VAV3: variants seen among roughly 807,000 people sequenced by gnomAD.
The protein encoded by VAV3 is guanine nucleotide exchange factor VAV3.
A neutral mutation model predicts 131.2 loss-of-function variants in VAV3; 94 were observed. The ratio of observed to expected loss-of-function variants is 0.72; its 90% CI spans 0.61 to 0.85. The LOEUF is 0.85. Among genes scored for constraint, VAV3 ranks in the 40% least tolerant of loss-of-function variants. The pLI, the probability that VAV3 is intolerant of heterozygous loss-of-function variation, is 0.00. For synonymous variants in VAV3, 349 were observed against 342.0 expected, an observed-to-expected ratio of 1.02 and a Z score of -0.22; for missense variants, 939 against 1,002.7, an observed-to-expected ratio of 0.94 and a Z score of 0.86.
At chr1:107,937,569 G>A (rs1034946089) in intron 1 of VAV3, among the ~76,000 whole-genome samples, 1 of 152,108 alleles carries the variant, frequency 6.6e-6, no homozygotes, top group Non-Finnish European at 1.5e-5. Flanking sequence ...AAATGAGCAG[G>A]GAATACCTAT....
At chr1:107,703,042 T>C (rs17019729) in intron 17 of VAV3, among the ~76,000 whole-genome samples, 19,717 of 152,134 alleles carry the variant, frequency 0.13, 1,614 homozygotes, top group East Asian at 0.29. Context: ...ACTATTCTCC[T>C]ACACTATTTC....
intron 13 of VAV3, among the ~76,000 whole-genome samples, chr1:107,750,096 T>C (rs1178959998): frequency 6.6e-6 from 1 of 152,186 alleles, no homozygotes; most frequent in African/African-American, 2.4e-5. Context: ...CTTCATTTTA[T>C]TGAGGAGGAA....
chr1:107,731,700 C>T (rs1662249261), intron 15 of VAV3, among the ~76,000 whole-genome samples: 1 of 152,122 alleles, frequency 6.6e-6, no homozygotes, highest in Non-Finnish European at 1.5e-5. Context: ...CAGAGGCAGT[C>T]CGTCCCTCAT....
At position 107,757,305 on chromosome 1, in the gene VAV3, G is replaced by A; in HGVS notation, c.1042C>T (p.Pro348Ser). 1.2e-6 allele frequency: 2 copies of A among 1,613,262 alleles called. No individual in the cohort carries two copies. The highest frequency in any genetic ancestry group is 1.1e-5 in the South Asian group (1 of 90,970). ...AGTTTCAGATTTGCCTTCTCAGTCG[G>A]ATCAGTGGTATGTTTGACCAGTTCC... Reference protein sequence around the residue: ...LQELVKHTTDPTEKANLKLAL... With the variant: ...LQELVKHTTDSTEKANLKLAL... Residue 348 changes from proline to serine, a missense_variant, in exon 11 of 27, where the codon CCG becomes TCG. By Grantham distance (74) the Pro-to-Ser change is moderately conservative. Coordinates refer to ENST00000370056, the MANE Select transcript of VAV3 (RefSeq NM_006113.5).
At chr1:107,853,870 T>G (rs1415745605) in intron 2 of VAV3, among the ~76,000 whole-genome samples, 2 of 152,210 alleles carry the variant, frequency 1.3e-5, no homozygotes, top group South Asian at 2.1e-4. Flanking sequence ...ACAACTTATT[T>G]ATGAGCTAAC....
chr1:107,602,618 C>T, intron 23 of VAV3, 134 bp from the exon 24 acceptor site: 2 of 609,196 alleles, frequency 3.3e-6, no homozygotes, highest in South Asian at 2.4e-5. Context: ...TGCCAATACA[C>T]TGGTGACAGC....
chr1:107,692,642 T>A (rs1659497512), intron 17 of VAV3, among the ~76,000 whole-genome samples: 1 of 152,138 alleles, frequency 6.6e-6, no homozygotes, highest in Non-Finnish European at 1.5e-5. Context: ...CAGATACCAA[T>A]GTGGGTGCAG....
intron 15 of VAV3, among the ~76,000 whole-genome samples, chr1:107,708,647 A>G (rs1219208888): frequency 6.6e-6 from 1 of 152,122 alleles, no homozygotes; most frequent in Non-Finnish European, 1.5e-5. Flanking sequence ...TTCTCCAGAT[A>G]TGCATTCCTA....
At chr1:107,884,590 C>A (rs559724917) in intron 1 of VAV3, among the ~76,000 whole-genome samples, 1 of 151,534 alleles carries the variant, frequency 6.6e-6, no homozygotes, top group Non-Finnish European at 1.5e-5. Flanking sequence ...GGACTACAGG[C>A]AGGCACCACC....
chr1:107,851,830 T>TA (rs1669246619), intron 2 of VAV3, among the ~76,000 whole-genome samples: 1 of 152,232 alleles, frequency 6.6e-6, no homozygotes, highest in Non-Finnish European at 1.5e-5. Flanking sequence ...CGATTCAGTA[T>TA]AGCGCCTTGT....
chr1:107,630,601 G>T (rs1371540951), intron 20 of VAV3, among the ~76,000 whole-genome samples: 2 of 152,154 alleles, frequency 1.3e-5, no homozygotes, highest in East Asian at 3.8e-4. Flanking sequence ...AGAGCTAAGT[G>T]TGTAGACTCT....
chr1:107,855,892 A>G (rs1199526887), intron 2 of VAV3, among the ~76,000 whole-genome samples: 1 of 152,212 alleles, frequency 6.6e-6, no homozygotes, highest in Non-Finnish European at 1.5e-5. Flanking sequence ...TGTGTGGAGA[A>G]AGCTGAGAGC....
chr1:107,608,989 A>T (rs1652513108), intron 22 of VAV3, among the ~76,000 whole-genome samples: 1 of 152,186 alleles, frequency 6.6e-6, no homozygotes, highest in African/African-American at 2.4e-5. Context: ...ATGTGTTCAC[A>T]TTCTGCATTT....
intron 2 of VAV3, among the ~76,000 whole-genome samples, chr1:107,789,157 G>C (rs1212772167): frequency 6.6e-6 from 1 of 152,138 alleles, no homozygotes; most frequent in Admixed American, 6.5e-5. Flanking sequence ...TGACCTAAAG[G>C]ACTTAGAAAG....
intron 19 of VAV3, among the ~76,000 whole-genome samples, chr1:107,674,246 G>C (rs1658031258): frequency 6.6e-6 from 1 of 152,178 alleles, no homozygotes; most frequent in Admixed American, 6.5e-5. Flanking sequence ...AGTGAGTTCT[G>C]CTGGGTGTCA....
intron 15 of VAV3, among the ~76,000 whole-genome samples, chr1:107,744,720 A>G (rs1008176970): frequency 1.3e-5 from 2 of 152,210 alleles, no homozygotes; most frequent in Non-Finnish European, 2.9e-5. Context: ...ACATTTAAGA[A>G]AACTGTCTGA....
chr1:107,856,789 C>G (rs1455012222), intron 2 of VAV3, among the ~76,000 whole-genome samples: 1 of 152,118 alleles, frequency 6.6e-6, no homozygotes, highest in Non-Finnish European at 1.5e-5. Flanking sequence ...GTAATCCCAG[C>G]ACTTTGGGAG....
intron 19 of VAV3, chr1:107,669,296 AG>A: frequency 7.8e-7 from 1 of 1,284,580 alleles, no homozygotes; most frequent in South Asian, 1.3e-5. Flanking sequence ...GGGGACAAAA[AG>A]AGCTACCCAG....
At chr1:107,863,187 T>C (rs925002996) in intron 2 of VAV3, among the ~76,000 whole-genome samples, 1 of 152,168 alleles carries the variant, frequency 6.6e-6, no homozygotes, top group African/African-American at 2.4e-5. Flanking sequence ...CCTCGCCAGG[T>C]TTCCAAGGCT....
Sources: allele counts gnomAD v4.1 joint callset (sites outside exome capture counted in the v4.1 genomes callset), GRCh38; gene constraint gnomAD v4.1.1; transcripts MANE v1.5; gene names NCBI Gene and HGNC (gene_info 2026-07-23, HGNC 2026-07-21).